Variants in E2F3 observed in about 807,000 individuals in gnomAD.
E2F3 encodes transcription factor E2F3.
In E2F3, 11 loss-of-function variants were observed where a neutral mutation model predicts 44.4. The ratio of observed to expected loss-of-function variants is 0.25; its 90% confidence interval spans 0.16 to 0.41. The LOEUF (loss-of-function observed/expected upper bound fraction) is 0.41. Among genes scored for constraint, E2F3 ranks in the 10% least tolerant of loss-of-function variants. The pLI, the probability that E2F3 is intolerant of heterozygous loss-of-function variation, is 1.00. For missense variants in E2F3, 487 were observed against 583.6 expected, an observed-to-expected ratio of 0.83 and a Z score of 1.70; for synonymous variants, 249 against 253.0, an observed-to-expected ratio of 0.98 and a Z score of 0.15.
intron 6 of E2F3, among the ~76,000 whole-genome samples, chr6:20,489,238 C>A (rs1762487495): frequency 6.6e-6 from 1 of 152,222 alleles, no homozygotes; most frequent in South Asian, 2.1e-4. Flanking sequence ...TTCTTCACCA[C>A]AGAAATCCAA....
intron 1 of E2F3, among the ~76,000 whole-genome samples, chr6:20,450,998 G>T: frequency 6.6e-6 from 1 of 152,122 alleles, no homozygotes; most frequent in Non-Finnish European, 1.5e-5. Context: ...GTCTGTTTTT[G>T]TACCAGTACC....
At chr6:20,448,726 T>C (rs537941601) in intron 1 of E2F3, among the ~76,000 whole-genome samples, 3 of 152,222 alleles carry the variant, frequency 2.0e-5, no homozygotes, top group Non-Finnish European at 4.4e-5. Context: ...AGGAATTTTA[T>C]ATTCCTGAAG....
At chr6:20,455,168 G>T (rs1371701439) in intron 1 of E2F3, among the ~76,000 whole-genome samples, 2 of 152,172 alleles carry the variant, frequency 1.3e-5, no homozygotes, top group African/African-American at 4.8e-5. Flanking sequence ...CATAAATAGC[G>T]ACTTGCTTGA....
intron 4 of E2F3, among the ~76,000 whole-genome samples, chr6:20,486,220 C>A (rs1184121829): frequency 6.6e-6 from 1 of 152,134 alleles, no homozygotes; most frequent in Admixed American, 6.5e-5. Flanking sequence ...GAGTGTCAAC[C>A]AGAAATGAAG....
In E2F3 at chr6:20,492,804, T is replaced by G; in HGVS notation, c.*2374T>G. Reference sequence around the variant, plus strand: ...TTAATTAGATGTCCATACTGTATTTTGTTTGCATTAAGTAATTTTCTTTTT... The same window carrying G: ...TTAATTAGATGTCCATACTGTATTTGGTTTGCATTAAGTAATTTTCTTTTT... On this transcript the variant is annotated 3_prime_UTR_variant, in exon 7 of 7. Coordinates refer to ENST00000346618, the MANE Select transcript of E2F3 (RefSeq NM_001949.5). 4.4e-6 allele frequency: 1 copy of G among 227,746 alleles called. No homozygotes were observed. 14.1% of individuals were successfully genotyped at this position (227,746 alleles called of 1,614,324 possible). A position where few individuals can be genotyped will look rare whatever the true frequency, so the allele number is the denominator to read the frequency against.
intron 1 of E2F3, among the ~76,000 whole-genome samples, chr6:20,433,809 G>A (rs1485328174): frequency 6.6e-6 from 1 of 152,066 alleles, no homozygotes; most frequent in Non-Finnish European, 1.5e-5. Flanking sequence ...GACTTCATCA[G>A]GAGGCCAAAG....
At chr6:20,473,844 C>G (rs1761965423) in intron 1 of E2F3, among the ~76,000 whole-genome samples, 1 of 152,204 alleles carries the variant, frequency 6.6e-6, no homozygotes. Context: ...ATGGTCTCAT[C>G]TTTACCCCAG....
chr6:20,434,135 G>C (rs188316455), intron 1 of E2F3, among the ~76,000 whole-genome samples: 405 of 152,318 alleles, frequency 2.7e-3, no homozygotes, highest in Non-Finnish European at 4.9e-3. Context: ...GTCCTGCCTT[G>C]TGGGAGGGAC....
intron 1 of E2F3, among the ~76,000 whole-genome samples, chr6:20,417,927 GT>G (rs1163047105): frequency 1.3e-5 from 2 of 152,136 alleles, no homozygotes; most frequent in Non-Finnish European, 2.9e-5. Flanking sequence ...GCCAAAACAA[GT>G]TCTGGTTACA....
chr6:20,433,036 C>T (rs1003974768), intron 1 of E2F3, among the ~76,000 whole-genome samples: 24 of 152,196 alleles, frequency 1.6e-4, no homozygotes, highest in African/African-American at 5.5e-4. Flanking sequence ...ACATTCATCA[C>T]CATCTGCAGT....
At chr6:20,441,286 C>T (rs1456773506) in intron 1 of E2F3, among the ~76,000 whole-genome samples, 2 of 152,198 alleles carry the variant, frequency 1.3e-5, no homozygotes, top group Admixed American at 1.3e-4. Flanking sequence ...CCTTATTTCA[C>T]TTAGCACAAT....
chr6:20,454,461 T>C (rs2127602678), intron 1 of E2F3, among the ~76,000 whole-genome samples: 1 of 152,328 alleles, frequency 6.6e-6, no homozygotes, highest in South Asian at 2.1e-4. Context: ...TAATATCTGT[T>C]CTTTAAAGGT....
At chr6:20,446,552 T>G (rs1056576513) in intron 1 of E2F3, among the ~76,000 whole-genome samples, 2 of 152,138 alleles carry the variant, frequency 1.3e-5, no homozygotes, top group Admixed American at 6.5e-5. Flanking sequence ...AAATTTGCAA[T>G]TCATCCCATG....
chr6:20,450,535 A>G (rs958469671), intron 1 of E2F3, among the ~76,000 whole-genome samples: 1 of 152,134 alleles, frequency 6.6e-6, no homozygotes, highest in African/African-American at 2.4e-5. Context: ...GACCTTTGTC[A>G]GATGCATAGT....
At chr6:20,407,209 C>T (rs554603557) in intron 1 of E2F3, among the ~76,000 whole-genome samples, 2 of 152,276 alleles carry the variant, frequency 1.3e-5, no homozygotes, top group South Asian at 4.1e-4. Flanking sequence ...CAAGTTTAAG[C>T]TGGGAGACAA....
chr6:20,438,391 C>G (rs1760663287), intron 1 of E2F3, among the ~76,000 whole-genome samples: 2 of 152,032 alleles, frequency 1.3e-5, no homozygotes, highest in Admixed American at 6.6e-5. Flanking sequence ...AGATTTTTTT[C>G]TGTTAGGAGT....
In E2F3 at chr6:20,490,043, C is replaced by A; in HGVS notation, c.1136-125C>A. ...TAAAAGGTGATCTGCATCATAAAGT[C>A]GTCTCATTGTCATTATTTGCGGAAG... On this transcript the variant is annotated intron_variant, in intron 6 of 6. Transcript: ENST00000346618. The surrounding 1 kb of genome is among the most constrained non-coding windows in gnomAD (Gnocchi z 4.3). 1 of 1,042,132 alleles carries A rather than the reference C, an allele frequency of 9.6e-7. No individual in the cohort carries two copies. The highest frequency in any genetic ancestry group is 1.6e-5 in the African/African-American group (1 of 61,536). The allele number at this position is 1,042,132 out of a possible 1,614,324, so 64.6% of individuals were successfully genotyped here.
At chr6:20,450,395 A>G (rs1393605011) in intron 1 of E2F3, among the ~76,000 whole-genome samples, 2 of 151,902 alleles carry the variant, frequency 1.3e-5, no homozygotes, top group Non-Finnish European at 2.9e-5. Flanking sequence ...TTTTTTTCAT[A>G]TGCTTATTGG....
intron 1 of E2F3, among the ~76,000 whole-genome samples, chr6:20,422,580 C>G (rs149106174): frequency 8.3e-4 from 127 of 152,250 alleles, no homozygotes; most frequent in African/African-American, 3.0e-3. Context: ...TAATTTCTAG[C>G]TTTTGATTTA....
Sources: allele counts gnomAD v4.1 joint callset (sites outside exome capture counted in the v4.1 genomes callset), GRCh38; gene constraint gnomAD v4.1.1; non-coding constraint Gnocchi (gnomAD v3.1); transcripts MANE v1.5; gene names NCBI Gene and HGNC (gene_info 2026-07-23, HGNC 2026-07-21).